The following PKD1 variants were observed in gnomAD, a reference collection of about 807,000 sequenced individuals.
The protein encoded by PKD1 is polycystin-1.
In PKD1, 81 loss-of-function variants were observed where a neutral mutation model predicts 361.7. That is an observed-to-expected ratio of 0.22 (90% CI 0.19 to 0.27). The LOEUF (loss-of-function observed/expected upper bound fraction) is 0.27, where lower values mean the gene tolerates loss of function less well. Ranked by LOEUF, PKD1 falls within the 10% of genes least tolerant of loss-of-function variation. The pLI is 1.00. For synonymous variants in PKD1, 3,615 were observed against 2,818.3 expected, an observed-to-expected ratio of 1.28 and a Z score of -8.95; for missense variants, 6,399 against 6,118.3, an observed-to-expected ratio of 1.05 and a Z score of -1.53.
In PKD1 at chr16:2,118,243, C is replaced by G; in HGVS notation, c.749G>C (p.Gly250Ala). 1 of 1,530,362 alleles carries G rather than the reference C, an allele frequency of 6.5e-7. No homozygotes were observed. The highest frequency in any genetic ancestry group is 8.8e-7 in the Non-Finnish European group (1 of 1,141,850). 94.8% of individuals were successfully genotyped at this position (1,530,362 alleles called of 1,614,324 possible). The change falls in exon 5 of 46, where the codon GGC becomes GCC. Residue 250 changes from glycine (G) to alanine (A), a missense_variant. Gly to Ala is a moderately conservative substitution (Grantham distance 60). Transcript: ENST00000262304. The surrounding 1 kb of genome is among the most constrained non-coding windows in gnomAD (Gnocchi z 6.0). ...GGTGGGGGCAGGAGGTGGCGGGGGG[C>G]CGGAGCAGAGGGACAGGCAGGCAAA... The part of the protein sequence containing the change: ...ASFACLSLCS[G>A]PPPPPAPTCR...
At chr16:2,102,781 C>A in intron 24 of PKD1, 33 bp downstream of exon 24, 1 of 1,609,584 alleles carries the variant, frequency 6.2e-7, no homozygotes, top group African/African-American at 1.3e-5. Context: ...TGATGCCCTG[C>A]CCTGCCCTGC....
rs758166235 is a variant in PKD1, at chr16:2,116,104, C to G, written c.1737G>C (p.Pro579=). The G allele has an allele frequency of 6.4e-6, 10 of 1,551,078 alleles. No individual in the cohort carries two copies. In the South Asian group the frequency reaches 8.1e-5, roughly 13 times the overall value. ...PHEPVEVMVF[P]GLRLSREAFL... ...AGGCTTCACGGCTCAGACGCAGGCC[C>G]GGGAATACCATGACCTGGTGGGCAG... is the stretch of plus-strand genomic sequence containing the variant. The change falls in exon 9 of 46, where the codon CCG becomes CCC. Residue 579 remains proline, a synonymous_variant. Coordinates refer to ENST00000262304, the MANE Select transcript of PKD1 (RefSeq NM_001009944.3).
chr16:2,103,337 G>C lies in PKD1; in HGVS notation c.8720C>G (p.Ala2907Gly). 1 of 1,606,474 alleles carries C rather than the reference G, an allele frequency of 6.2e-7. No individual in the cohort carries two copies. The highest frequency in any genetic ancestry group is 2.2e-5 in the East Asian group (1 of 44,862). The change falls in exon 23 of 46, where the codon GCT (alanine) becomes GGT (glycine). Residue 2907 changes from alanine to glycine, a missense_variant. Ala to Gly is a moderately conservative substitution (Grantham distance 60, BLOSUM62 0). Transcript: ENST00000262304. ...GTTGCTGCTGTCCAGGGTGACCACA[G>C]CACCGACGGAGGCCTGGGGCTGGAC... ...VVVQPQASVG[A>G]VVTLDSSNPA...
In PKD1 at chr16:2,111,233, G is replaced by C; in HGVS notation, c.3934C>G (p.Arg1312Gly). 2 of 1,610,864 alleles carry C rather than the reference G, an allele frequency of 1.2e-6. No homozygotes were observed. The highest frequency in any genetic ancestry group is 1.1e-5 in the South Asian group (1 of 91,000). Residue 1312 changes from arginine to glycine, a missense_variant, in exon 15 of 46, where the codon CGG becomes GGG. Coordinates refer to ENST00000262304, the MANE Select transcript of PKD1 (RefSeq NM_001009944.3). ...TTCCCGGTGACGTAGGCCGTGAGCC[G>C]CGCGTCAGGCTGCGTGGGGATGCAG... Reference protein sequence around the residue: ...AACIPTQPDARLTAYVTGNPA... With the variant: ...AACIPTQPDAGLTAYVTGNPA...
rs143383476 is a variant in PKD1 at position 2,100,496 on chromosome 16, G to A, written c.9468C>T (p.Gly3156=). 9.6e-5 allele frequency: 155 copies of A among 1,610,482 alleles called. No individual in the cohort carries two copies. In the African/African-American group the frequency reaches 1.5e-3, roughly 15 times the overall value. ...DSRSGHRHLD[G]DRAFHRNSLD... is the part of the protein sequence containing the mutation. ...GGCTGTTGCGGTGGAAGGCTCTGTC[G>A]CCGTCCAGGTGCCGGTGGCCGCTCC... The change falls in exon 27 of 46, where the codon GGC becomes GGT. Residue 3156 remains glycine (G), a synonymous_variant. Transcript: ENST00000262304. The surrounding 1 kb of genome is among the most constrained non-coding windows in gnomAD (Gnocchi z 4.4).
chr16:2,119,524 T>C lies in PKD1; in HGVS notation c.216-146A>G, dbSNP rs185324617. The stretch of plus-strand genomic sequence containing the variant: ...ACTCCCAGAGGTCAGGAGGGGACTT[T>C]CTGATGGAAGACCCAAATGAACACT... On this transcript the variant is annotated intron_variant, in intron 1 of 45. Coordinates refer to ENST00000262304, the MANE Select transcript of PKD1 (RefSeq NM_001009944.3). The C allele has an allele frequency of 3.8e-3, 2,642 of 704,208 alleles. 14 individuals are homozygous for C. The highest frequency in any genetic ancestry group is 0.025 in the Middle Eastern group (69 of 2,726). The allele number at this position is 704,208 out of a possible 1,614,324, so 43.6% of individuals were successfully genotyped here.
At chr16:2,120,429 A>C (rs2092702685) in intron 1 of PKD1, among the ~76,000 whole-genome samples, 2 of 152,342 alleles carry the variant, frequency 1.3e-5, no homozygotes, top group Admixed American at 6.5e-5. Context: ...TTCCAGTTAA[A>C]AAGAAGAAAA....
chr16:2,093,884 C>T lies in PKD1; in HGVS notation c.10748G>A (p.Gly3583Asp), dbSNP rs752087551. 16 of 1,576,268 alleles carry T rather than the reference C, an allele frequency of 1.0e-5. No individual in the cohort carries two copies. The East Asian group carries it at 3.7e-4, about 36-fold the overall frequency. ...SGWVGASFPPGVSVAWLLSSS... is the reference protein window; with the variant it reads ...SGWVGASFPPDVSVAWLLSSS... ...GGACAGGAGCCACGCAACACTCACG[C>T]CCGGGGGGAAGCTCGCACCCACCCA... Residue 3583 changes from glycine (G) to aspartate (D), a missense_variant, in exon 36 of 46, where the codon GGC (glycine) becomes GAC (aspartate). Gly to Asp is a moderately conservative substitution (Grantham distance 94, BLOSUM62 -1). Transcript: ENST00000262304.
rs1332279796 is a variant in PKD1, at chr16:2,091,032, C to T, written c.11855G>A (p.Arg3952His). 2.6e-6 allele frequency: 4 copies of T among 1,530,392 alleles called. No homozygotes were observed. The highest frequency in any genetic ancestry group is 2.4e-5 in the South Asian group (2 of 83,908). The allele number at this position is 1,530,392 out of a possible 1,614,324, so 94.8% of individuals were successfully genotyped here. Residue 3952 changes from arginine (R) to histidine (H), a missense_variant, in exon 43 of 46, where the codon CGC (arginine) becomes CAC (histidine). By Grantham distance (29) the Arg-to-His change is conservative. Coordinates refer to ENST00000262304, the MANE Select transcript of PKD1 (RefSeq NM_001009944.3). The part of the protein sequence containing the change: ...VALTAATALV[R>H]LAQLGAADRQ... ...GTCAGCGGCACCCAGCTGGGCGAGG[C>T]GTACCAGTGCCGTGGCCGCCGTCAG...
In PKD1 at chr16:2,091,717, T is replaced by G. The variant is rs542332982; in HGVS notation, c.11537+64A>C. ...CCTAGGCCAGCGGGGGCCGGAGGAG[T>G]GAGGGTGGGCTCCTGGCTGGTGACT... On this transcript the variant is annotated intron_variant, in intron 41 of 45. Coordinates refer to ENST00000262304, the MANE Select transcript of PKD1 (RefSeq NM_001009944.3). 8.2e-6 allele frequency: 13 copies of G among 1,590,878 alleles called. No individual in the cohort carries two copies. The South Asian group carries it at 1.2e-4, about 15-fold the overall frequency.
intron 1 of PKD1, among the ~76,000 whole-genome samples, chr16:2,125,208 G>GA (rs539310666): frequency 3.9e-5 from 6 of 152,056 alleles, no homozygotes; most frequent in Admixed American, 2.0e-4. Flanking sequence ...GTGCTCATTT[G>GA]AAAAAAAACA....
chr16:2,125,399 C>T (rs568410925), intron 1 of PKD1, among the ~76,000 whole-genome samples: 15 of 152,264 alleles, frequency 9.9e-5, no homozygotes, highest in African/African-American at 3.6e-4. Context: ...GTCCCAGACA[C>T]GGGGTGTGAG....
Position 2,110,636 on chromosome 16 carries a change from G to A in PKD1, c.4531C>T (p.Pro1511Ser), listed in dbSNP as rs535735521. 1.0e-4 allele frequency: 165 copies of A among 1,610,032 alleles called. No individual in the cohort carries two copies. In the South Asian group the frequency reaches 1.4e-3, roughly 14 times the overall value. The change falls in exon 15 of 46, where the codon CCG becomes TCG. Residue 1511 changes from proline (P) to serine (S), a missense_variant. Physicochemically the swap from Pro to Ser is moderately conservative, Grantham distance 74. Transcript: ENST00000262304. Reference protein sequence around the residue: ...DLGDGGWLEGPEVTHAYNSTG... With the variant: ...DLGDGGWLEGSEVTHAYNSTG... Reference sequence around the variant, plus strand: ...CTGTTGTAAGCGTGGGTGACCTCCGGACCCTCGAGCCACCCACCGTCCCCC... The same window carrying A: ...CTGTTGTAAGCGTGGGTGACCTCCGAACCCTCGAGCCACCCACCGTCCCCC...
chr16:2,115,981 C>G lies in PKD1; in HGVS notation c.1849+11G>C, dbSNP rs770438578. The G allele has an allele frequency of 1.3e-6, 2 of 1,546,360 alleles. No homozygotes were observed. Among genetic ancestry groups the G allele is most frequent in the South Asian group, 2.4e-5 (2 of 83,926 alleles). ...CGCCCACCACCCACCACCCACCACCCAGAGTCCCACCTGCTGTGCTGAGGA... is the reference window on the plus strand; with the variant it reads ...CGCCCACCACCCACCACCCACCACCGAGAGTCCCACCTGCTGTGCTGAGGA... On this transcript the variant is annotated intron_variant, in intron 9 of 45. Coordinates refer to ENST00000262304, the MANE Select transcript of PKD1 (RefSeq NM_001009944.3).
intron 20 of PKD1, 166 bp downstream of exon 20, chr16:2,105,699 T>G (rs2092314044): frequency 7.7e-7 from 1 of 1,291,542 alleles, no homozygotes; most frequent in African/African-American, 1.5e-5. Flanking sequence ...GAGGGCCCGG[T>G]GGGTGTGGCT....
chr16:2,108,458 C>T lies in PKD1; in HGVS notation c.6709G>A (p.Gly2237Arg). Residue 2237 changes from glycine (G) to arginine (R), a missense_variant, in exon 15 of 46, where the codon GGG (glycine) becomes AGG (arginine). By Grantham distance (125) the Gly-to-Arg change is moderately radical (BLOSUM62 -2). Transcript: ENST00000262304. ...ATGCTCTGTGTCAGTGGCGTGTCCC[C>T]AAATGACACGACAAACACAAAGCAG... is the stretch of plus-strand genomic sequence containing the variant. ...HYCFVFVVSF[G>R]DTPLTQSIQA... 1 of 1,610,418 alleles carries T rather than the reference C, an allele frequency of 6.2e-7. No homozygotes were observed. The highest frequency in any genetic ancestry group is 8.5e-7 in the Non-Finnish European group (1 of 1,179,646).
rs758591904 is a variant in PKD1 at position 2,110,241 on chromosome 16, G to A, written c.4926C>T (p.Arg1642=). 2.5e-6 allele frequency: 4 copies of A among 1,611,942 alleles called. No individual in the cohort carries two copies. Among genetic ancestry groups the A allele is most frequent in the African/African-American group, 1.3e-5 (1 of 74,930 alleles). ...IEGLQVVGGG[R]YFPTNHTVQL... is the part of the protein sequence containing the mutation. Reference sequence around the variant, plus strand: ...GTACCGTGTGGTTGGTGGGGAAGTAGCGGCCACCGCCCACCACCTGCAGCC... The same window carrying A: ...GTACCGTGTGGTTGGTGGGGAAGTAACGGCCACCGCCCACCACCTGCAGCC... Residue 1642 remains arginine (R), a synonymous_variant, in exon 15 of 46, where the codon CGC becomes CGT. Coordinates refer to ENST00000262304, the MANE Select transcript of PKD1 (RefSeq NM_001009944.3).
intron 1 of PKD1, among the ~76,000 whole-genome samples, chr16:2,130,319 C>T (rs1351093434): frequency 6.6e-6 from 1 of 152,198 alleles, no homozygotes; most frequent in Admixed American, 6.5e-5. Context: ...CTGACAGAGG[C>T]CCTACCCCTG....
At position 2,090,826 on chromosome 16, in the gene PKD1, G is replaced by A; in HGVS notation, c.12004-18C>T. On this transcript the variant is annotated intron_variant, in intron 43 of 45. Coordinates refer to ENST00000262304, the MANE Select transcript of PKD1 (RefSeq NM_001009944.3). ...TGGGCAGCCTGCGGACGAGAAATCT[G>A]TCTGCTTGCAGCCCTGGGGTGTGCG... 1.9e-6 allele frequency: 3 copies of A among 1,611,820 alleles called. No homozygotes were observed. The highest frequency in any genetic ancestry group is 1.3e-5 in the African/African-American group (1 of 75,032).
Sources: allele counts gnomAD v4.1 joint callset (sites outside exome capture counted in the v4.1 genomes callset), GRCh38; gene constraint gnomAD v4.1.1; non-coding constraint Gnocchi (gnomAD v3.1); transcripts MANE v1.5; gene names NCBI Gene and HGNC (gene_info 2026-07-23, HGNC 2026-07-21).